The following DNAH10 variants were observed in gnomAD, a reference collection of about 807,000 sequenced individuals.
DNAH10 encodes the protein dynein axonemal heavy chain 10.
In DNAH10, 348 loss-of-function variants were observed where a neutral mutation model predicts 506.6. The observed-to-expected ratio is 0.69, with a 90% confidence interval of 0.63 to 0.75. The LOEUF is 0.75. Among genes scored for constraint, DNAH10 ranks in the 30% least tolerant of loss-of-function variants. The pLI, the probability that DNAH10 is intolerant of heterozygous loss-of-function variation, is 0.00. For missense variants in DNAH10, 5,179 were observed against 5,787.1 expected (o/e 0.89, Z 3.41); for synonymous variants, 2,059 against 2,198.6 (o/e 0.94, Z 1.78).
intron 38 of DNAH10, among the ~76,000 whole-genome samples, chr12:123,859,761 T>C (rs1433559204): frequency 6.6e-6 from 1 of 152,090 alleles, no homozygotes; most frequent in Non-Finnish European, 1.5e-5. Flanking sequence ...GAGCCAGGCA[T>C]GGTGGCTCAC....
rs1003555357 is a variant in DNAH10 at position 123,804,958 on chromosome 12, A to C, written c.2905A>C (p.Thr969Pro). 6.2e-7 allele frequency: 1 copy of C among 1,614,118 alleles called. No homozygotes were observed. Among genetic ancestry groups the C allele is most frequent in the African/African-American group, 1.3e-5 (1 of 74,942 alleles). Residue 969 changes from threonine (T) to proline (P), a missense_variant, in exon 18 of 79, where the codon ACA becomes CCA. Thr to Pro is a conservative substitution (Grantham distance 38). This residue lies in a region of DNAH10 where 4,844 missense variants were observed against 5,430.5 expected (regional missense o/e 0.89). Coordinates refer to ENST00000673944, the MANE Select transcript of DNAH10 (RefSeq NM_001372106.1). ...KVEGLVVHTNTGKAPKLASYY... is the reference protein window; with the variant it reads ...KVEGLVVHTNPGKAPKLASYY... The stretch of plus-strand genomic sequence containing the variant: ...TGAGGGCCTGGTCGTCCACACCAAC[A>C]CAGGCAAGGCCCCCAAGCTGGCCTC...
At chr12:123,864,508 C>A in intron 39 of DNAH10, 87 bp from the exon 40 acceptor site, 1 of 1,504,658 alleles carries the variant, frequency 6.6e-7, no homozygotes, top group South Asian at 1.4e-5. Context: ...GGGAAAAAGA[C>A]ATTCAACATG....
Position 123,929,409 on chromosome 12 carries a change from T to C in DNAH10, c.12441T>C (p.Ala4147=), listed in dbSNP as rs900958325. ...TCTACGTGCTGGCGTTCTTTCATGC[T>C]GTGGTGCAGGAGAGAAGGAAGTTTG... ...PLVYVLAFFH[A]VVQERRKFGK... is the part of the protein sequence containing the mutation. The change falls in exon 71 of 79, where the codon GCT becomes GCC. Residue 4147 remains alanine, a synonymous_variant. Coordinates refer to ENST00000673944, the MANE Select transcript of DNAH10 (RefSeq NM_001372106.1). 3 of 1,613,638 alleles carry C rather than the reference T, an allele frequency of 1.9e-6. No homozygotes were observed. The highest frequency in any genetic ancestry group is 2.7e-5 in the African/African-American group (2 of 74,934).
intron 43 of DNAH10, among the ~76,000 whole-genome samples, chr12:123,869,452 A>G (rs566016693): frequency 7.2e-4 from 109 of 152,230 alleles, no homozygotes; most frequent in African/African-American, 2.6e-3. Flanking sequence ...AGATGTCTCC[A>G]TAAATCCCAG....
intron 1 of DNAH10, among the ~76,000 whole-genome samples, chr12:123,763,886 G>T (rs1475799466): frequency 6.0e-5 from 8 of 132,514 alleles, no homozygotes; most frequent in African/African-American, 1.8e-4. Context: ...TTTTTTTTGA[G>T]ACAGAGTCTA....
intron 54 of DNAH10, among the ~76,000 whole-genome samples, chr12:123,896,148 CAGAGAGAGAGAGAG>C (rs71444923): frequency 2.3e-4 from 22 of 95,322 alleles, no homozygotes; most frequent in African/African-American, 5.2e-4. Context: ...CACACACACA[CAGAGAGAGAGAGAG>C]AGAGAGAGAG....
intron 54 of DNAH10, among the ~76,000 whole-genome samples, chr12:123,896,148 CAGAG>C (rs71444923): frequency 0.016 from 1,505 of 94,800 alleles, 17 homozygotes; most frequent in African/African-American, 0.038. Flanking sequence ...CACACACACA[CAGAG>C]AGAGAGAGAG....
At chr12:123,922,149 C>T (rs898241869) in intron 65 of DNAH10, among the ~76,000 whole-genome samples, 1 of 151,930 alleles carries the variant, frequency 6.6e-6, no homozygotes, top group Non-Finnish European at 1.5e-5. Context: ...CCAGGGCGGG[C>T]GGATCATGAG....
chr12:123,918,730 C>A lies in DNAH10; in HGVS notation c.11287C>A (p.Arg3763=), dbSNP rs368709232. Residue 3763 remains arginine (R), a synonymous_variant, in exon 65 of 79, where the codon CGG becomes AGG. Coordinates refer to ENST00000673944, the MANE Select transcript of DNAH10 (RefSeq NM_001372106.1). ...GACAGCCTTGGACATCGACAGGCTGCGGGATGGCTACCGGCCAGCAGCCAG... is the reference window on the plus strand; with the variant it reads ...GACAGCCTTGGACATCGACAGGCTGAGGGATGGCTACCGGCCAGCAGCCAG... ...EKTALDIDRL[R]DGYRPAARRG... is the part of the protein sequence containing the mutation. 4.4e-6 allele frequency: 7 copies of A among 1,597,694 alleles called. No individual in the cohort carries two copies. Among genetic ancestry groups the A allele is most frequent in the Admixed American group, 1.7e-5 (1 of 59,036 alleles).
intron 50 of DNAH10, among the ~76,000 whole-genome samples, chr12:123,880,220 C>T (rs1056389921): frequency 6.6e-6 from 1 of 152,186 alleles, no homozygotes; most frequent in African/African-American, 2.4e-5. Context: ...GAGACCCAAG[C>T]AGTTTAATTA....
rs544547103 is a variant in DNAH10, at chr12:123,814,425, C to T, written c.3780+513C>T. Among the ~76,000 whole-genome samples the T allele has an allele frequency of 1.5e-3, 229 of 152,038 alleles. 1 individual carries two copies. Among genetic ancestry groups the T allele is most frequent in the South Asian group, 3.1e-3 (15 of 4,800 alleles). The stretch of plus-strand genomic sequence containing the variant: ...GATGAAAGAAAGTCAAGTTTTTGGC[C>T]CAGGTCTACTGCTCAGCAAGGGCAT... On this transcript the variant is annotated intron_variant, in intron 21 of 78. Coordinates refer to ENST00000673944, the MANE Select transcript of DNAH10 (RefSeq NM_001372106.1).
At chr12:123,777,339 T>G (rs539253913) in intron 5 of DNAH10, among the ~76,000 whole-genome samples, 158 of 152,312 alleles carry the variant, frequency 1.0e-3, no homozygotes, top group African/African-American at 3.7e-3. Context: ...AGACAATGCT[T>G]CACTGAAGAA....
chr12:123,848,722 C>T lies in DNAH10; in HGVS notation c.5950-8C>T. 2 of 1,613,858 alleles carry T rather than the reference C, an allele frequency of 1.2e-6. No homozygotes were observed. The highest frequency in any genetic ancestry group is 2.2e-5 in the South Asian group (2 of 91,050). On this transcript the variant is annotated splice_region_variant and splice_polypyrimidine_tract_variant and intron_variant, in intron 33 of 78. Transcript: ENST00000673944. ...ATTGCCCTTGTCCTGACATGTCTTT[C>T]TTCCTAGGCCGTGGGGAAGATTTTC... is the stretch of plus-strand genomic sequence containing the variant.
At chr12:123,933,666 T>C (rs1188027826) in intron 77 of DNAH10, among the ~76,000 whole-genome samples, 155 bp downstream of exon 77, 1 of 152,262 alleles carries the variant, frequency 6.6e-6, no homozygotes, top group Non-Finnish European at 1.5e-5. Flanking sequence ...GTCTCTGCAC[T>C]GCCCATGTCT....
Position 123,826,798 on chromosome 12 carries a change from C to A in DNAH10, c.4291C>A (p.Arg1431Ser). 1 of 1,613,964 alleles carries A rather than the reference C, an allele frequency of 6.2e-7. No individual in the cohort carries two copies. The highest frequency in any genetic ancestry group is 8.5e-7 in the Non-Finnish European group (1 of 1,179,876). ...TCTCAGAAAGCTACCTCGGCCAGTC[C>A]GTGGCTTATCAGTGACCTACTACTT... ...RALRKLPRPV[R>S]GLSVTYYLEA... Residue 1431 changes from arginine (R) to serine (S), a missense_variant, in exon 25 of 79, where the codon CGT becomes AGT. Physicochemically the swap from Arg to Ser is moderately radical, Grantham distance 110. Coordinates refer to ENST00000673944, the MANE Select transcript of DNAH10 (RefSeq NM_001372106.1).
intron 24 of DNAH10, among the ~76,000 whole-genome samples, chr12:123,821,667 A>ATT (rs200809125): frequency 6.6e-6 from 1 of 150,470 alleles, no homozygotes; most frequent in African/African-American, 2.4e-5. Context: ...TAAAATGACA[A>ATT]TTTTTTTTTT....
Position 123,933,350 on chromosome 12 carries a change from G to A in DNAH10, c.13316G>A (p.Ser4439Asn). 1.3e-6 allele frequency: 2 copies of A among 1,593,376 alleles called. No individual in the cohort carries two copies. ...YMLWVTESEP[S>N]VMWLSGLHIP... ...CTCCAGGTGACCGAGAGCGAGCCCA[G>A]CGTGATGTGGCTCTCGGGGCTGCAC... is the stretch of plus-strand genomic sequence containing the variant. Residue 4439 changes from serine to asparagine, a missense_variant, in exon 77 of 79, where the codon AGC becomes AAC. Transcript: ENST00000673944.
At chr12:123,777,220 A>G (rs1957474499) in intron 5 of DNAH10, among the ~76,000 whole-genome samples, 1 of 152,228 alleles carries the variant, frequency 6.6e-6, no homozygotes, top group African/African-American at 2.4e-5. Context: ...ATCAGCACAG[A>G]GATGGTGTAA....
At chr12:123,873,778 G>A in intron 46 of DNAH10, 68 bp downstream of exon 46, 1 of 1,507,714 alleles carries the variant, frequency 6.6e-7, no homozygotes, top group Non-Finnish European at 8.9e-7. Context: ...GGGTGTGTGT[G>A]TGTGTTAGAA....
Sources: gnomAD v4.1 joint callset for allele counts (sites outside exome capture counted in the v4.1 genomes callset) on GRCh38, gnomAD v4.1.1 for gene constraint, gnomAD v4.1.1 regional missense constraint, MANE v1.5 for transcripts, NCBI Gene and HGNC (gene_info 2026-07-23, HGNC 2026-07-21) for gene names.